The following CDH17 variants were observed in gnomAD, a reference collection of about 807,000 sequenced individuals.
CDH17 encodes cadherin 17.
A neutral mutation model predicts 86.3 loss-of-function variants in CDH17; 67 were observed. That is an observed-to-expected ratio of 0.78 (90% CI 0.64 to 0.95). The LOEUF (loss-of-function observed/expected upper bound fraction) is 0.95. CDH17 is among the 40% of genes least tolerant of loss of function. CDH17 has a pLI of 0.00. For missense variants in CDH17, 993 were observed against 1,017.6 expected (o/e 0.98, Z 0.33); for synonymous variants, 367 against 366.4 (o/e 1.00, Z -0.02).
upstream of CDH17, among the ~76,000 whole-genome samples, chr8:94,210,568 G>A (rs1009005149): frequency 3.3e-5 from 5 of 152,148 alleles, no homozygotes; most frequent in Admixed American, 1.3e-4. Flanking sequence ...GAATGTGCAC[G>A]TTTCAGGTAG....
chr8:94,210,313 A>C (rs1324410757), upstream of CDH17, among the ~76,000 whole-genome samples: 3 of 151,090 alleles, frequency 2.0e-5, no homozygotes, highest in Non-Finnish European at 4.4e-5. Context: ...CCAAGTTCCG[A>C]AATGGGGTTC....
intron 15 of CDH17, among the ~76,000 whole-genome samples, chr8:94,135,959 T>C (rs1227807049): frequency 6.6e-6 from 1 of 152,248 alleles, no homozygotes; most frequent in Non-Finnish European, 1.5e-5. Context: ...AATTCTTTTC[T>C]TTAAGAACGT....
chr8:94,163,357 G>A (rs780494522), intron 10 of CDH17, among the ~76,000 whole-genome samples: 17 of 152,248 alleles, frequency 1.1e-4, no homozygotes, highest in Non-Finnish European at 2.2e-4. Flanking sequence ...CTTATGAACT[G>A]CATCAATGTA....
At chr8:94,201,899 TC>T (rs1813921565) in intron 1 of CDH17, 1 of 168,706 alleles carries the variant, frequency 5.9e-6, no homozygotes, top group South Asian at 1.5e-4. Context: ...ATAATTAGGT[TC>T]TTCTTAAGAA....
intron 7 of CDH17, among the ~76,000 whole-genome samples, chr8:94,171,502 G>C (rs1218131605): frequency 6.6e-6 from 1 of 152,144 alleles, no homozygotes; most frequent in Non-Finnish European, 1.5e-5. Context: ...AGACTTCAGG[G>C]ATGAGAATAA....
chr8:94,157,425 T>C (rs1812967608), intron 12 of CDH17, among the ~76,000 whole-genome samples: 1 of 152,194 alleles, frequency 6.6e-6, no homozygotes, highest in Non-Finnish European at 1.5e-5. Context: ...TAACATTTGG[T>C]GTGTCCTAAT....
At position 94,174,235 on chromosome 8, in the gene CDH17, G is replaced by A. The variant is rs771719842; in HGVS notation, c.450C>T (p.Ala150=). 6 of 1,612,320 alleles carry A rather than the reference G, an allele frequency of 3.7e-6. No homozygotes were observed. Among genetic ancestry groups the A allele is most frequent in the Non-Finnish European group, 5.1e-6 (6 of 1,179,558 alleles). The change falls in exon 6 of 18, where the codon GCC becomes GCT. Residue 150 remains alanine (A), a synonymous_variant. Coordinates refer to ENST00000027335, the MANE Select transcript of CDH17 (RefSeq NM_004063.4). ...RPGKPFLYVN[A]TDLDDPATPN... ...GAGTGGCCGGATCATCCAGGTCTGT[G>A]GCATTGACATACAAGAAGGGCTTTC...
At chr8:94,154,281 T>C (rs1402121631) in intron 12 of CDH17, among the ~76,000 whole-genome samples, 1 of 152,210 alleles carries the variant, frequency 6.6e-6, no homozygotes, top group Non-Finnish European at 1.5e-5. Flanking sequence ...TACGCTAATA[T>C]GTCTTAGAAG....
intron 1 of CDH17, chr8:94,217,169 G>A (rs1253225603): frequency 6.6e-6 from 1 of 152,236 alleles, no homozygotes; most frequent in Non-Finnish European, 1.5e-5. Flanking sequence ...AGCAGCCGCT[G>A]AGTGAGCCTC....
intron 14 of CDH17, among the ~76,000 whole-genome samples, chr8:94,147,187 A>C (rs1213759186): frequency 6.6e-6 from 1 of 152,152 alleles, no homozygotes; most frequent in African/African-American, 2.4e-5. Context: ...TGCACAGCAT[A>C]AAGGCTCAGC....
intron 15 of CDH17, among the ~76,000 whole-genome samples, chr8:94,139,903 T>A (rs201368224): frequency 5.9e-4 from 87 of 147,240 alleles, no homozygotes; most frequent in African/African-American, 1.6e-3. Flanking sequence ...AAAAAATAAA[T>A]AAAAAAAAAG....
chr8:94,166,004 A>G (rs1192030371), intron 9 of CDH17, 28 bp from the exon 10 acceptor site: 1 of 1,343,638 alleles, frequency 7.4e-7, no homozygotes, highest in African/African-American at 1.4e-5. Context: ...AGGAAAACCC[A>G]CCATTACAGG....
At chr8:94,187,478 A>C (rs1813604333) in intron 3 of CDH17, among the ~76,000 whole-genome samples, 1 of 152,212 alleles carries the variant, frequency 6.6e-6, no homozygotes, top group Admixed American at 6.5e-5. Flanking sequence ...TAATAAAAGA[A>C]AGTCTGTGAG....
chr8:94,176,699 A>G lies in CDH17; in HGVS notation c.286-20T>C. 1 of 1,606,024 alleles carries G rather than the reference A, an allele frequency of 6.2e-7. No individual in the cohort carries two copies. Among genetic ancestry groups the G allele is most frequent in the African/African-American group, 1.3e-5 (1 of 74,474 alleles). On this transcript the variant is annotated intron_variant, in intron 4 of 17. Transcript: ENST00000027335. ...TGCAACCTGATGTTGAGGAAAAGGA[A>G]ACCATGTTGGTGAGACTGAACTTCA...
chr8:94,168,030 G>T (rs1027483975), intron 9 of CDH17, among the ~76,000 whole-genome samples: 12 of 138,564 alleles, frequency 8.7e-5, no homozygotes, highest in African/African-American at 3.2e-4. Flanking sequence ...ATAAATGTTA[G>T]TGTTGCTAAG....
chr8:94,156,832 AC>A (rs1812958603), intron 12 of CDH17, among the ~76,000 whole-genome samples: 1 of 152,336 alleles, frequency 6.6e-6, no homozygotes, highest in Middle Eastern at 3.4e-3. Flanking sequence ...CTATACACAT[AC>A]TTTTGCATTT....
intron 10 of CDH17, among the ~76,000 whole-genome samples, chr8:94,164,766 G>C (rs1486659012): frequency 6.6e-6 from 1 of 152,154 alleles, no homozygotes; most frequent in Non-Finnish European, 1.5e-5. Flanking sequence ...TTAACTCAAA[G>C]GACCTTCTAG....
In CDH17 at chr8:94,163,389, A is replaced by G. The variant is rs544208053; in HGVS notation, c.1283-1227T>C. ...TGTACATCCTCACCCTGAGGGTAAC[A>G]GTTGGGTTCTGCCACTGAGAGGCGT... On this transcript the variant is annotated intron_variant, in intron 10 of 17. Transcript: ENST00000027335. Among the ~76,000 whole-genome samples the G allele has an allele frequency of 2.0e-5, 3 of 152,342 alleles. No individual in the cohort carries two copies. In the South Asian group the frequency reaches 6.2e-4, roughly 32 times the overall value.
rs1358010002 is a variant in CDH17 at position 94,146,135 on chromosome 8, G to A, written c.1960C>T (p.His654Tyr). 1.3e-6 allele frequency: 2 copies of A among 1,598,966 alleles called. No individual in the cohort carries two copies. Among genetic ancestry groups the A allele is most frequent in the Non-Finnish European group, 1.7e-6 (2 of 1,172,346 alleles). The change falls in exon 15 of 18, where the codon CAC (histidine) becomes TAC (tyrosine). Residue 654 changes from histidine to tyrosine, a missense_variant. Transcript: ENST00000027335. ...TCATTCACATCCATAAGGATCAGGTGGAACTCTGACACAGAGCTCAAGGAA... is the reference window on the plus strand; with the variant it reads ...TCATTCACATCCATAAGGATCAGGTAGAACTCTGACACAGAGCTCAAGGAA... The part of the protein sequence containing the change: ...GSSLSSVSEF[H>Y]LILMDVNDNP...
Sources: gnomAD v4.1 joint callset for allele counts (sites outside exome capture counted in the v4.1 genomes callset) on GRCh38, gnomAD v4.1.1 for gene constraint, MANE v1.5 for transcripts, NCBI Gene and HGNC (gene_info 2026-07-23, HGNC 2026-07-21) for gene names.